Variants in PDE7B observed in about 807,000 individuals in gnomAD.
PDE7B encodes the protein phosphodiesterase 7B.
PDE7B carries 29 observed loss-of-function variants against 56.2 expected under a neutral mutation model. That is an observed-to-expected ratio of 0.52 (90% CI 0.38 to 0.70). The LOEUF (loss-of-function observed/expected upper bound fraction) is 0.70. PDE7B is among the 30% of genes least tolerant of loss of function. The probability of loss-of-function intolerance (pLI) is 0.00; values close to 1 mark genes in which losing one functional copy is unlikely to be tolerated. For missense variants in PDE7B, 490 were observed against 565.0 expected, an observed-to-expected ratio of 0.87 and a Z score of 1.35; for synonymous variants, 197 against 196.9, an observed-to-expected ratio of 1.00 and a Z score of 0.00.
At chr6:136,172,153 A>C (rs866631924) in intron 8 of PDE7B, among the ~76,000 whole-genome samples, 2 of 152,202 alleles carry the variant, frequency 1.3e-5, no homozygotes, top group African/African-American at 4.8e-5. Flanking sequence ...GTACATACCC[A>C]GTAATGGGAT....
chr6:136,190,690 G>A (rs940240114), intron 12 of PDE7B, among the ~76,000 whole-genome samples: 5 of 152,032 alleles, frequency 3.3e-5, no homozygotes, highest in Non-Finnish European at 5.9e-5. Flanking sequence ...GCGGCAAAAC[G>A]CGATTAGAAA....
chr6:136,158,638 C>T (rs1393633345), intron 8 of PDE7B, among the ~76,000 whole-genome samples: 1 of 152,132 alleles, frequency 6.6e-6, no homozygotes, highest in Non-Finnish European at 1.5e-5. Flanking sequence ...GAGTGAAGGC[C>T]AGGTCAGAGG....
chr6:135,904,550 A>G (rs191569880), intron 1 of PDE7B, among the ~76,000 whole-genome samples: 5 of 152,316 alleles, frequency 3.3e-5, no homozygotes, highest in East Asian at 3.9e-4. Context: ...TACATTTCTA[A>G]CCAACTGTCA....
intron 2 of PDE7B, among the ~76,000 whole-genome samples, chr6:136,088,669 G>A (rs1000830808): frequency 2.6e-5 from 4 of 152,180 alleles, no homozygotes; most frequent in Admixed American, 6.5e-5. Flanking sequence ...TAGGACTAAG[G>A]ACAGTAGGCT....
intron 2 of PDE7B, among the ~76,000 whole-genome samples, chr6:136,070,857 C>T (rs1020370361): frequency 9.2e-5 from 14 of 152,088 alleles, no homozygotes; most frequent in African/African-American, 2.4e-4. Flanking sequence ...CTTGGGCTTA[C>T]GTAGGAACCA....
chr6:136,169,675 A>G (rs1365689120), intron 8 of PDE7B, among the ~76,000 whole-genome samples: 1 of 152,168 alleles, frequency 6.6e-6, no homozygotes, highest in Non-Finnish European at 1.5e-5. Flanking sequence ...TGAACACGTG[A>G]GCGACTGAAT....
At chr6:135,874,794 CCTTA>C (rs1288240104) in intron 1 of PDE7B, among the ~76,000 whole-genome samples, 1 of 152,038 alleles carries the variant, frequency 6.6e-6, no homozygotes, top group African/African-American at 2.4e-5. Context: ...TAGTCTATTC[CCTTA>C]CTTATTTGCC....
chr6:135,992,899 C>G lies in PDE7B; in HGVS notation c.82+45375C>G, dbSNP rs775962838. 6.0e-4 allele frequency among the ~76,000 whole-genome samples: 91 copies of G among 152,334 alleles called. 2 individuals are homozygous for G. The highest frequency in any genetic ancestry group is 2.5e-4 in the Non-Finnish European group (17 of 68,026). On this transcript the variant is annotated intron_variant, in intron 2 of 12. Transcript: ENST00000308191. Reference sequence around the variant, plus strand: ...CAAGTACACAATCTCATGTGCCCCTCCCAACAGCCCTGTGAAGTAAGTGTA... The same window carrying G: ...CAAGTACACAATCTCATGTGCCCCTGCCAACAGCCCTGTGAAGTAAGTGTA...
Position 136,188,953 on chromosome 6 carries a change from C to T in PDE7B, c.1126+1837C>T, listed in dbSNP as rs143878691. On this transcript the variant is annotated intron_variant, in intron 12 of 12. Coordinates refer to ENST00000308191, the MANE Select transcript of PDE7B (RefSeq NM_018945.4). Reference sequence around the variant, plus strand: ...GGGTTGGGAAGTGGGGTGGCAGGGACAGATCAGGCTAAGCCAGAAAAATCC... The same window carrying T: ...GGGTTGGGAAGTGGGGTGGCAGGGATAGATCAGGCTAAGCCAGAAAAATCC... Among the ~76,000 whole-genome samples the T allele has an allele frequency of 5.5e-3, 836 of 152,240 alleles. 4 individuals carry two copies. Among genetic ancestry groups the T allele is most frequent in the Middle Eastern group, 0.017 (5 of 294 alleles).
chr6:135,858,015 C>T (rs1409924507), intron 1 of PDE7B, among the ~76,000 whole-genome samples: 1 of 151,904 alleles, frequency 6.6e-6, no homozygotes, highest in Non-Finnish European at 1.5e-5. Flanking sequence ...TCCATAAATG[C>T]ATTATATTTA....
intron 6 of PDE7B, among the ~76,000 whole-genome samples, chr6:136,151,864 C>A (rs1427449094): frequency 6.6e-6 from 1 of 151,850 alleles, no homozygotes; most frequent in Non-Finnish European, 1.5e-5. Flanking sequence ...CACTTGAACC[C>A]GGGAGGTGGA....
chr6:136,037,443 A>AG, intron 2 of PDE7B: 1 of 985,414 alleles, frequency 1.0e-6, no homozygotes, highest in Non-Finnish European at 1.2e-6. Context: ...AAATGACACA[A>AG]GGGGGAGGGA....
At chr6:136,040,600 GAA>G (rs904004787) in intron 2 of PDE7B, among the ~76,000 whole-genome samples, 2 of 152,122 alleles carry the variant, frequency 1.3e-5, no homozygotes, top group Admixed American at 6.5e-5. Flanking sequence ...TTTGTTTTTA[GAA>G]AGTGGTGATT....
chr6:135,926,881 T>C (rs1057334316), intron 1 of PDE7B, among the ~76,000 whole-genome samples: 2 of 152,152 alleles, frequency 1.3e-5, no homozygotes, highest in African/African-American at 4.8e-5. Flanking sequence ...TCTCAAAATG[T>C]TGACTCATAA....
At chr6:135,997,250 C>A (rs1013221785) in intron 2 of PDE7B, among the ~76,000 whole-genome samples, 7 of 150,816 alleles carry the variant, frequency 4.6e-5, no homozygotes, top group Non-Finnish European at 7.4e-5. Flanking sequence ...CCTGTCTCAA[C>A]AAAAAATCCA....
At chr6:136,123,655 G>T (rs1019631064) in intron 3 of PDE7B, among the ~76,000 whole-genome samples, 2 of 152,184 alleles carry the variant, frequency 1.3e-5, no homozygotes, top group African/African-American at 4.8e-5. Flanking sequence ...TAACACAAAA[G>T]CTATTTGAGG....
chr6:135,857,150 A>G (rs1465830165), intron 1 of PDE7B, among the ~76,000 whole-genome samples: 1 of 151,676 alleles, frequency 6.6e-6, no homozygotes, highest in Non-Finnish European at 1.5e-5. Flanking sequence ...GAAGGGAAAA[A>G]TAGATTGGTA....
At chr6:135,909,757 CAA>C (rs2128193507) in intron 1 of PDE7B, among the ~76,000 whole-genome samples, 1 of 152,162 alleles carries the variant, frequency 6.6e-6, no homozygotes, top group Admixed American at 6.5e-5. Context: ...GCGGGAAGAT[CAA>C]AGTGTCTACG....
intron 9 of PDE7B, among the ~76,000 whole-genome samples, chr6:136,178,070 T>A (rs1779007818): frequency 6.6e-6 from 1 of 152,196 alleles, no homozygotes; most frequent in African/African-American, 2.4e-5. Flanking sequence ...AAAATTAAGT[T>A]GCGTGGTTTA....
Sources: allele counts gnomAD v4.1 joint callset (sites outside exome capture counted in the v4.1 genomes callset), GRCh38; gene constraint gnomAD v4.1.1; transcripts MANE v1.5; gene names NCBI Gene and HGNC (gene_info 2026-07-23, HGNC 2026-07-21).